Variants in HPSE2 observed in about 807,000 individuals in gnomAD.
The protein encoded by HPSE2 is heparanase 2 (inactive).
In HPSE2, 38 loss-of-function variants were observed where a neutral mutation model predicts 60.5. The observed-to-expected ratio is 0.63, with a 90% CI of 0.48 to 0.82. HPSE2 has a LOEUF of 0.82. HPSE2 is among the 40% of genes least tolerant of loss of function. HPSE2 has a pLI of 0.00. For synonymous variants in HPSE2, 295 were observed against 293.2 expected (o/e 1.01, Z -0.06); for missense variants, 713 against 740.4 (o/e 0.96, Z 0.43).
At chr10:98,798,492 AT>A (rs1462671102) in intron 3 of HPSE2, among the ~76,000 whole-genome samples, 17 of 152,360 alleles carry the variant, frequency 1.1e-4, no homozygotes, top group Admixed American at 1.0e-3. Context: ...GAAATGATGA[AT>A]CAATCAGAAA....
At chr10:99,192,316 CA>C (rs941038246) in intron 2 of HPSE2, among the ~76,000 whole-genome samples, 1 of 152,056 alleles carries the variant, frequency 6.6e-6, no homozygotes. Context: ...AATCAAACTC[CA>C]AAAGGTCAAG....
chr10:98,739,760 GC>G (rs1949450003), intron 4 of HPSE2, among the ~76,000 whole-genome samples: 1 of 152,130 alleles, frequency 6.6e-6, no homozygotes, highest in African/African-American at 2.4e-5. Flanking sequence ...AATTATAGTA[GC>G]TTTTACTTGC....
chr10:98,584,311 C>T (rs1564988366), intron 9 of HPSE2, among the ~76,000 whole-genome samples: 1 of 152,130 alleles, frequency 6.6e-6, no homozygotes, highest in Non-Finnish European at 1.5e-5. Flanking sequence ...TGAATCTTCC[C>T]CTGTGTAAGG....
At chr10:98,559,002 C>T (rs1181900183) in intron 9 of HPSE2, among the ~76,000 whole-genome samples, 1 of 152,012 alleles carries the variant, frequency 6.6e-6, no homozygotes, top group Non-Finnish European at 1.5e-5. Flanking sequence ...GAGTTTGTGT[C>T]CCTGGGAATC....
At chr10:98,459,782 A>C in intron 11 of HPSE2, 43 bp from the exon 12 acceptor site, 1 of 1,574,302 alleles carries the variant, frequency 6.4e-7, no homozygotes, top group Non-Finnish European at 8.7e-7. Flanking sequence ...ATTGCATTAT[A>C]AGGGAGCCAC....
chr10:98,828,833 TC>T (rs1368573395), intron 3 of HPSE2, among the ~76,000 whole-genome samples: 29 of 152,140 alleles, frequency 1.9e-4, no homozygotes, highest in African/African-American at 7.0e-4. Flanking sequence ...TACCATATGA[TC>T]CAGCAATTCC....
intron 3 of HPSE2, among the ~76,000 whole-genome samples, chr10:98,975,408 G>C (rs1211336636): frequency 6.6e-6 from 1 of 151,944 alleles, no homozygotes; most frequent in Non-Finnish European, 1.5e-5. Context: ...TCAACTTGAG[G>C]CACCAATATA....
At chr10:98,471,110 G>T (rs1940762025) in intron 11 of HPSE2, among the ~76,000 whole-genome samples, 1 of 152,170 alleles carries the variant, frequency 6.6e-6, no homozygotes, top group African/African-American at 2.4e-5. Context: ...GAACTCCCAG[G>T]GGCTCATGGC....
At chr10:98,866,386 G>A (rs1589973226) in intron 3 of HPSE2, among the ~76,000 whole-genome samples, 1 of 152,028 alleles carries the variant, frequency 6.6e-6, no homozygotes, top group South Asian at 2.1e-4. Flanking sequence ...ACAACTTCAA[G>A]TGGCCTAACA....
At chr10:98,632,920 C>T (rs558599901) in intron 7 of HPSE2, among the ~76,000 whole-genome samples, 2 of 152,194 alleles carry the variant, frequency 1.3e-5, no homozygotes, top group East Asian at 1.9e-4. Flanking sequence ...GACCCTTAAA[C>T]GACATGGGTT....
chr10:99,290,355 G>T, the HPSE2 span, among the ~76,000 whole-genome samples: 130,087 of 152,128 alleles, frequency 0.86, 55,969 homozygotes, highest in African/African-American at 0.92. Flanking sequence ...TACCTTGTAA[G>T]AATTGTAAAA....
intron 3 of HPSE2, among the ~76,000 whole-genome samples, chr10:98,915,659 T>C (rs1954100439): frequency 6.6e-6 from 1 of 152,202 alleles, no homozygotes; most frequent in Admixed American, 6.5e-5. Context: ...TCTGGTCTTT[T>C]CTGTGCTTGC....
At chr10:98,654,941 G>C (rs1341366213) in intron 6 of HPSE2, among the ~76,000 whole-genome samples, 3 of 152,086 alleles carry the variant, frequency 2.0e-5, no homozygotes, top group Non-Finnish European at 4.4e-5. Context: ...TTCACTTTAG[G>C]CTTTCCTAGT....
chr10:98,883,632 C>T (rs537376229), intron 3 of HPSE2, among the ~76,000 whole-genome samples: 1 of 151,954 alleles, frequency 6.6e-6, no homozygotes, highest in South Asian at 2.1e-4. Flanking sequence ...TAGCATGACC[C>T]ATCTTTACAA....
chr10:98,575,458 G>T (rs997319875), intron 9 of HPSE2, among the ~76,000 whole-genome samples: 2 of 152,200 alleles, frequency 1.3e-5, no homozygotes, highest in Non-Finnish European at 2.9e-5. Context: ...CTTGCCTGAA[G>T]TCAAACGGTG....
intron 3 of HPSE2, among the ~76,000 whole-genome samples, chr10:98,923,633 G>A (rs79973435): frequency 6.6e-5 from 10 of 151,646 alleles, no homozygotes; most frequent in Non-Finnish European, 2.9e-5. Context: ...CAAATAGCCT[G>A]TCTCTAGGCT....
rs1940974465 is a variant in HPSE2 at position 98,475,557 on chromosome 10, AAGCCTCCCTTGTTGGCAT to A, written c.1613+7061_1613+7078del. Among the ~76,000 whole-genome samples, 4 of 148,720 alleles carry A rather than the reference AAGCCTCCCTTGTTGGCAT, an allele frequency of 2.7e-5. No homozygotes were observed. The South Asian group carries it at 8.4e-4, about 31-fold the overall frequency. On this transcript the variant is annotated intron_variant, in intron 11 of 11. Transcript: ENST00000370552. ...AGATATACTTTCCAGTTTCCTTGGG[AAGCCTCCCTTGTTGGCAT>A]CTTTCCCTCTGAGAATGGGCTCCGT...
chr10:98,633,724 C>T (rs1946424658), intron 7 of HPSE2, among the ~76,000 whole-genome samples: 1 of 152,064 alleles, frequency 6.6e-6, no homozygotes, highest in Non-Finnish European at 1.5e-5. Flanking sequence ...AATGAATTTT[C>T]GACTATGCAA....
At chr10:98,481,710 A>G (rs893599507) in intron 11 of HPSE2, among the ~76,000 whole-genome samples, 1 of 152,224 alleles carries the variant, frequency 6.6e-6, no homozygotes, top group African/African-American at 2.4e-5. Context: ...GTTGCAGTGA[A>G]ACAGTGAATA....
Sources: allele counts gnomAD v4.1 joint callset (sites outside exome capture counted in the v4.1 genomes callset), GRCh38; gene constraint gnomAD v4.1.1; transcripts MANE v1.5; gene names NCBI Gene and HGNC (gene_info 2026-07-23, HGNC 2026-07-21).